RBMS2: variants seen among roughly 807,000 people sequenced by gnomAD.
RBMS2 encodes RNA binding motif single stranded interacting protein 2, also known as RNA-binding motif, single-stranded-interacting protein 2.
In RBMS2, 38 loss-of-function variants were observed where a neutral mutation model predicts 58.4. That is an observed-to-expected ratio of 0.65 (90% CI 0.50 to 0.85). RBMS2 has a LOEUF of 0.85. RBMS2 is among the 40% of genes least tolerant of loss of function. The probability of loss-of-function intolerance (pLI) is 0.00; values close to 1 mark genes in which losing one functional copy is unlikely to be tolerated. For synonymous variants in RBMS2, 151 were observed against 180.7 expected (o/e 0.84, Z 1.32); for missense variants, 367 against 503.7 (o/e 0.73, Z 2.60).
intron 1 of RBMS2, among the ~76,000 whole-genome samples, chr12:56,555,994 A>G (rs1391336688): frequency 3.9e-5 from 6 of 151,994 alleles, no homozygotes. Flanking sequence ...TACAGTGAGC[A>G]TAATCATGCC....
intron 1 of RBMS2, among the ~76,000 whole-genome samples, chr12:56,551,913 C>T (rs1417064735): frequency 1.3e-5 from 2 of 152,148 alleles, no homozygotes; most frequent in African/African-American, 4.8e-5. Context: ...CATGGCAAAA[C>T]CCAGTCTCTA....
chr12:56,530,973 A>T (rs1287090703), intron 1 of RBMS2, among the ~76,000 whole-genome samples: 2 of 152,062 alleles, frequency 1.3e-5, no homozygotes, highest in Non-Finnish European at 1.5e-5. Context: ...TGTCTTTAAA[A>T]ATCCTACCCA....
chr12:56,554,436 T>C (rs369279477), intron 1 of RBMS2, among the ~76,000 whole-genome samples: 5 of 152,164 alleles, frequency 3.3e-5, no homozygotes, highest in East Asian at 1.9e-4. Context: ...GTCCTTTGCA[T>C]GGACATGGAT....
At chr12:56,528,469 T>C (rs1419692779) in intron 1 of RBMS2, among the ~76,000 whole-genome samples, 1 of 151,964 alleles carries the variant, frequency 6.6e-6, no homozygotes, top group Non-Finnish European at 1.5e-5. Context: ...TTAAGAACAT[T>C]GATTAAGATG....
chr12:56,574,918 G>A (rs1235933731), intron 5 of RBMS2, among the ~76,000 whole-genome samples: 1 of 152,166 alleles, frequency 6.6e-6, no homozygotes, highest in Non-Finnish European at 1.5e-5. Context: ...GGAGGCCGAG[G>A]CGGGCGGATC....
At position 56,592,961 on chromosome 12, in the gene RBMS2, C is replaced by G. The variant is rs1486364487; in HGVS notation, c.*3828C>G. On this transcript the variant is annotated 3_prime_UTR_variant, in exon 14 of 14. Coordinates refer to ENST00000262031, the MANE Select transcript of RBMS2 (RefSeq NM_002898.4). ...AGCTGGAAGTACAGGCACATACTAC[C>G]AAGCCCAGTTCGTTATTTTAAGTTT... 1 of 152,202 alleles carries G rather than the reference C, an allele frequency of 6.6e-6. No individual in the cohort carries two copies. The highest frequency in any genetic ancestry group is 1.5e-5 in the Non-Finnish European group (1 of 68,094). 9.4% of individuals were successfully genotyped at this position (152,202 alleles called of 1,614,324 possible).
intron 1 of RBMS2, among the ~76,000 whole-genome samples, chr12:56,542,345 A>G (rs375582321): frequency 6.6e-6 from 1 of 151,806 alleles, no homozygotes; most frequent in East Asian, 1.9e-4. Context: ...GATTACAGGC[A>G]TGAGCCACCG....
At chr12:56,576,580 T>G (rs1421090681) in intron 5 of RBMS2, among the ~76,000 whole-genome samples, 1 of 152,176 alleles carries the variant, frequency 6.6e-6, no homozygotes, top group Non-Finnish European at 1.5e-5. Context: ...CATATCATTC[T>G]TATATTCCTT....
At chr12:56,526,327 A>C (rs1872630962) in intron 1 of RBMS2, among the ~76,000 whole-genome samples, 1 of 151,910 alleles carries the variant, frequency 6.6e-6, no homozygotes, top group African/African-American at 2.4e-5. Flanking sequence ...AAATAAATAA[A>C]ATAAAATAAA....
chr12:56,529,990 G>T (rs1873397992), intron 1 of RBMS2, among the ~76,000 whole-genome samples: 1 of 152,134 alleles, frequency 6.6e-6, no homozygotes, highest in African/African-American at 2.4e-5. Context: ...GCTTACTAAA[G>T]CCTCAAACTC....
chr12:56,536,973 T>A lies in RBMS2; in HGVS notation c.66+14884T>A, dbSNP rs1440409399. Among the ~76,000 whole-genome samples the A allele has an allele frequency of 4.0e-5, 6 of 150,686 alleles. No individual in the cohort carries two copies. The South Asian group carries it at 1.1e-3, about 26-fold the overall frequency. On this transcript the variant is annotated intron_variant, in intron 1 of 13. Coordinates refer to ENST00000262031, the MANE Select transcript of RBMS2 (RefSeq NM_002898.4). ...TCTTGCTCTGTTGTGCAGGCTGGAG[T>A]GCAGTGGCATGATCTTGGCTCACTG... is the stretch of plus-strand genomic sequence containing the variant.
chr12:56,588,351 C>T lies in RBMS2; in HGVS notation c.1120C>T (p.Pro374Ser). The T allele has an allele frequency of 6.2e-7, 1 of 1,613,474 alleles. No homozygotes were observed. Among genetic ancestry groups the T allele is most frequent in the South Asian group, 1.1e-5 (1 of 91,046 alleles). The stretch of plus-strand genomic sequence containing the variant: ...TTACATCTCCCAGTACACCCCTGTG[C>T]CTTCTTCCAGTGTTTCAGTCGAGGT... The part of the protein sequence containing the change: ...GAYISQYTPV[P>S]SSSVSVEESS... The change falls in exon 12 of 14, where the codon CCT becomes TCT. Residue 374 changes from proline to serine, a missense_variant. Around this residue, in one of 3 missense-constraint regions of RBMS2, gnomAD observed 220 missense variants for 261.1 expected, o/e 0.84. Transcript: ENST00000262031.
chr12:56,551,646 CAAGTT>C (rs76668063), intron 1 of RBMS2, among the ~76,000 whole-genome samples: 52,503 of 151,590 alleles, frequency 0.35, 9,208 homozygotes, highest in South Asian at 0.52. Flanking sequence ...GGCAGTCAGA[CAAGTT>C]AAGAGATATT....
upstream of RBMS2, among the ~76,000 whole-genome samples, chr12:56,521,426 T>TTAA (rs1454049019): frequency 3.2e-5 from 1 of 31,638 alleles, no homozygotes; most frequent in Admixed American, 5.0e-4. Flanking sequence ...AAACTCTGTC[T>TTAA]CAAAAAAAAA....
chr12:56,567,416 A>G (rs1881543260), intron 2 of RBMS2, among the ~76,000 whole-genome samples: 1 of 151,168 alleles, frequency 6.6e-6, no homozygotes, highest in Non-Finnish European at 1.5e-5. Context: ...AAGGAGAAGG[A>G]GGAGAAGAGG....
rs1310260508 is a variant in RBMS2, at chr12:56,586,872, A to G, written c.897A>G (p.Leu299=). 6.2e-7 allele frequency: 1 copy of G among 1,613,822 alleles called. No individual in the cohort carries two copies. Among genetic ancestry groups the G allele is most frequent in the South Asian group, 1.1e-5 (1 of 91,086 alleles). Residue 299 remains leucine (L), a synonymous_variant, in exon 10 of 14, where the codon CTA becomes CTG. Transcript: ENST00000262031. ...AGAGAGTGACTCAGACATCTCCTCT[A>G]CAAGTACCTAACCCATCCTGGATGC... The part of the protein sequence containing the change: ...SYQRVTQTSP[L]QVPNPSWMHH...
At chr12:56,557,048 T>G (rs1469608158) in intron 1 of RBMS2, among the ~76,000 whole-genome samples, 3 of 152,056 alleles carry the variant, frequency 2.0e-5, no homozygotes, top group Admixed American at 1.3e-4. Context: ...AGCCTTCATC[T>G]CTCTATCAAT....
Position 56,594,022 on chromosome 12 carries a change from A to T in RBMS2, c.*4889A>T, listed in dbSNP as rs1885513351. 6.6e-6 allele frequency: 1 copy of T among 152,390 alleles called. No individual in the cohort carries two copies. Among genetic ancestry groups the T allele is most frequent in the Non-Finnish European group, 1.5e-5 (1 of 68,154 alleles). 9.4% of individuals were successfully genotyped at this position (152,390 alleles called of 1,614,324 possible). A position where few individuals can be genotyped will look rare whatever the true frequency, so the allele number is the denominator to read the frequency against. On this transcript the variant is annotated 3_prime_UTR_variant, in exon 14 of 14. Transcript: ENST00000262031. ...CACAGGCCATGCGCTGGGTTGGGCC[A>T]CTTCAGCTCCACTCCATTCGTTTTC...
At chr12:56,588,027 A>G (rs1884915102) in intron 11 of RBMS2, among the ~76,000 whole-genome samples, 1 of 152,192 alleles carries the variant, frequency 6.6e-6, no homozygotes, top group Non-Finnish European at 1.5e-5. Context: ...TTGCATAGAA[A>G]GGGCTCAAGG....
Sources: allele counts gnomAD v4.1 joint callset (sites outside exome capture counted in the v4.1 genomes callset), GRCh38; gene constraint gnomAD v4.1.1; regional missense constraint gnomAD v4.1.1; transcripts MANE v1.5; gene names NCBI Gene and HGNC (gene_info 2026-07-23, HGNC 2026-07-21).